The following ABCA6 variants were observed in gnomAD, a reference collection of about 807,000 sequenced individuals.
The protein encoded by ABCA6 is ATP binding cassette subfamily A member 6.
ABCA6 carries 164 observed loss-of-function variants against 191.2 expected under a neutral mutation model. The ratio of observed to expected loss-of-function variants is 0.86; its 90% CI spans 0.76 to 0.98. The LOEUF (loss-of-function observed/expected upper bound fraction) is 0.98, where lower values mean the gene tolerates loss of function less well. ABCA6 is among the 50% of genes least tolerant of loss of function. ABCA6 has a pLI of 0.00. For synonymous variants in ABCA6, 636 were observed against 647.7 expected, an observed-to-expected ratio of 0.98 and a Z score of 0.27; for missense variants, 1,958 against 1,894.1, an observed-to-expected ratio of 1.03 and a Z score of -0.63.
intron 28 of ABCA6, 37 bp from the exon 29 acceptor site, chr17:69,087,510 T>C (rs1186317848): frequency 9.9e-6 from 16 of 1,610,506 alleles, no homozygotes; most frequent in African/African-American, 1.3e-5. Context: ...TGTGGTATTC[T>C]AGCTGTTAAA....
intron 9 of ABCA6, 113 bp downstream of exon 9, chr17:69,124,775 A>G (rs954687515): frequency 1.8e-6 from 1 of 557,874 alleles, no homozygotes; most frequent in Middle Eastern, 5.1e-4. Context: ...TGAACTTATT[A>G]GTTTGAAATG....
intron 18 of ABCA6, 70 bp downstream of exon 18, chr17:69,107,626 A>G: frequency 8.9e-7 from 1 of 1,120,576 alleles, no homozygotes; most frequent in Non-Finnish European, 1.3e-6. Flanking sequence ...CCCATAAGAA[A>G]TTATAAATAC....
chr17:69,118,371 G>A (rs1369794591), intron 10 of ABCA6, among the ~76,000 whole-genome samples: 2 of 152,016 alleles, frequency 1.3e-5, no homozygotes, highest in Non-Finnish European at 2.9e-5. Flanking sequence ...CTTTTATAGT[G>A]TTCTCTCTAA....
chr17:69,092,978 G>A (rs1290833016), intron 25 of ABCA6, among the ~76,000 whole-genome samples: 1 of 152,170 alleles, frequency 6.6e-6, no homozygotes, highest in Admixed American at 6.5e-5. Flanking sequence ...TTGTGAAGAG[G>A]TATAATTTTA....
At chr17:69,122,362 A>G (rs963401122) in intron 10 of ABCA6, among the ~76,000 whole-genome samples, 4 of 152,096 alleles carry the variant, frequency 2.6e-5, no homozygotes, top group Admixed American at 6.6e-5. Context: ...AAAAATCTAC[A>G]AAGCTATTTT....
At position 69,129,712 on chromosome 17, in the gene ABCA6, A is replaced by T. The variant is rs776137132; in HGVS notation, c.831T>A (p.Ile277=). ...WGLIYAGFIF[I]ISIFVTIIIT... is the part of the protein sequence containing the mutation. ...TGATAATTGTAACGAATATGGAAATAATAAAGATGAAGCCAGCATAGATTA... is the reference window on the plus strand; with the variant it reads ...TGATAATTGTAACGAATATGGAAATTATAAAGATGAAGCCAGCATAGATTA... Residue 277 remains isoleucine, a synonymous_variant, in exon 7 of 39, where the codon ATT becomes ATA. Coordinates refer to ENST00000284425, the MANE Select transcript of ABCA6 (RefSeq NM_080284.3). The T allele has an allele frequency of 6.2e-7, 1 of 1,604,618 alleles. No homozygotes were observed. The highest frequency in any genetic ancestry group is 8.5e-7 in the Non-Finnish European group (1 of 1,172,616).
chr17:69,124,808 A>T, intron 9 of ABCA6, 80 bp downstream of exon 9: 2 of 755,652 alleles, frequency 2.6e-6, no homozygotes, highest in Non-Finnish European at 3.9e-6. Context: ...TATTCATTTT[A>T]AAAGTCTATA....
intron 3 of ABCA6, 99 bp from the exon 4 acceptor site, chr17:69,136,349 T>C: frequency 3.1e-6 from 3 of 972,258 alleles, no homozygotes; most frequent in Non-Finnish European, 4.2e-6. Flanking sequence ...TTCATTAGAC[T>C]TAAATTAAAA....
chr17:69,105,639 A>C lies in ABCA6; in HGVS notation c.2574-11T>G. The C allele has an allele frequency of 6.9e-7, 1 of 1,449,330 alleles. No homozygotes were observed. Among genetic ancestry groups the C allele is most frequent in the Non-Finnish European group, 9.5e-7 (1 of 1,054,384 alleles). 89.8% of individuals were successfully genotyped at this position (1,449,330 alleles called of 1,614,324 possible). ...CCAAATACCAATAATCTAAACAATAAAGAAAAATTAGCATATTAATCTCCA... is the reference window on the plus strand; with the variant it reads ...CCAAATACCAATAATCTAAACAATACAGAAAAATTAGCATATTAATCTCCA... On this transcript the variant is annotated splice_polypyrimidine_tract_variant and intron_variant, in intron 19 of 38. Coordinates refer to ENST00000284425, the MANE Select transcript of ABCA6 (RefSeq NM_080284.3).
intron 21 of ABCA6, 101 bp from the exon 22 acceptor site, chr17:69,101,035 G>T: frequency 1.0e-6 from 1 of 989,544 alleles, no homozygotes; most frequent in South Asian, 1.8e-5. Flanking sequence ...TGCTTGTTGT[G>T]TGTCCATCTT....
chr17:69,141,237 A>T (rs368334732), intron 1 of ABCA6, among the ~76,000 whole-genome samples: 8 of 152,068 alleles, frequency 5.3e-5, no homozygotes, highest in African/African-American at 1.9e-4. Context: ...TTCAGATTGA[A>T]TCAACTTTTA....
intron 2 of ABCA6, among the ~76,000 whole-genome samples, chr17:69,137,792 A>G (rs2073973680): frequency 6.6e-6 from 1 of 152,220 alleles, no homozygotes; most frequent in Admixed American, 6.5e-5. Flanking sequence ...CTCTATATGC[A>G]TGGGCAGCTG....
At chr17:69,093,375 C>T (rs189424320) in intron 25 of ABCA6, among the ~76,000 whole-genome samples, 190 of 152,304 alleles carry the variant, frequency 1.2e-3, no homozygotes, top group African/African-American at 4.5e-3. Context: ...GAAACATTAA[C>T]CATATCTACT....
Position 69,078,741 on chromosome 17 carries a change from C to T in ABCA6, c.*232G>A. 5.8e-6 allele frequency: 2 copies of T among 345,840 alleles called. No homozygotes were observed. Among genetic ancestry groups the T allele is most frequent in the Non-Finnish European group, 1.0e-5 (2 of 194,630 alleles). 21.4% of individuals were successfully genotyped at this position (345,840 alleles called of 1,614,324 possible). ...AGTTTTATTTCCACAATACCCAGTG[C>T]CTGACTCTTTGGGTGACTTTACTAA... is the stretch of plus-strand genomic sequence containing the variant. On this transcript the variant is annotated 3_prime_UTR_variant, in exon 39 of 39. Coordinates refer to ENST00000284425, the MANE Select transcript of ABCA6 (RefSeq NM_080284.3).
At chr17:69,136,333 T>C (rs770525789) in intron 3 of ABCA6, 83 bp from the exon 4 acceptor site, 11 of 1,043,032 alleles carry the variant, frequency 1.1e-5, no homozygotes, top group African/African-American at 1.7e-5. Flanking sequence ...TGTTTCCCCA[T>C]ATAATTTCAT....
intron 20 of ABCA6, chr17:69,104,465 G>A (rs962746030): frequency 1.3e-5 from 2 of 152,012 alleles, no homozygotes; most frequent in Non-Finnish European, 2.9e-5. Context: ...GAAAGGGAAA[G>A]ACTGTCTTTG....
chr17:69,134,554 TAAGA>T, intron 5 of ABCA6, 81 bp downstream of exon 5: 1 of 964,346 alleles, frequency 1.0e-6, no homozygotes, highest in Non-Finnish European at 1.6e-6. Context: ...ACAAACGGAC[TAAGA>T]CAATTATCTT....
chr17:69,126,485 A>G (rs573829126), intron 8 of ABCA6, among the ~76,000 whole-genome samples: 1 of 151,972 alleles, frequency 6.6e-6, no homozygotes, highest in South Asian at 2.1e-4. Flanking sequence ...CCAACTCTCT[A>G]CAACAATTAA....
At position 69,105,848 on chromosome 17, in the gene ABCA6, C is replaced by G. The variant is rs556327544; in HGVS notation, c.2573+180G>C. The stretch of plus-strand genomic sequence containing the variant: ...ACCATGAAAACAAAACACACCTGCA[C>G]GTATAAGCTTAATCGAGTGTGAACA... On this transcript the variant is annotated intron_variant, in intron 19 of 38. Coordinates refer to ENST00000284425, the MANE Select transcript of ABCA6 (RefSeq NM_080284.3). The G allele has an allele frequency of 4.0e-6, 3 of 754,390 alleles. No homozygotes were observed. The East Asian group carries it at 8.2e-5, about 21-fold the overall frequency. The allele number at this position is 754,390 out of a possible 1,614,324, so 46.7% of individuals were successfully genotyped here. A position where few individuals can be genotyped will look rare whatever the true frequency, so the allele number is the denominator to read the frequency against.
Sources: allele counts gnomAD v4.1 joint callset (sites outside exome capture counted in the v4.1 genomes callset), GRCh38; gene constraint gnomAD v4.1.1; transcripts MANE v1.5; gene names NCBI Gene and HGNC (gene_info 2026-07-23, HGNC 2026-07-21).